GRIK2: variants seen among roughly 807,000 people sequenced by gnomAD.
GRIK2 encodes the protein glutamate ionotropic receptor kainate type subunit 2.
A neutral mutation model predicts 100.3 loss-of-function variants in GRIK2; 32 were observed. The observed-to-expected ratio is 0.32, with a 90% CI of 0.24 to 0.43. The LOEUF (loss-of-function observed/expected upper bound fraction) is 0.43, where lower values mean the gene tolerates loss of function less well. Among genes scored for constraint, GRIK2 ranks in the 20% least tolerant of loss-of-function variants. The probability of loss-of-function intolerance (pLI) is 1.00; values close to 1 mark genes in which losing one functional copy is unlikely to be tolerated. For missense variants in GRIK2, 843 were observed against 1,114.9 expected, an observed-to-expected ratio of 0.76 and a Z score of 3.47; for synonymous variants, 417 against 389.4, an observed-to-expected ratio of 1.07 and a Z score of -0.83.
At chr6:102,016,574 T>A (rs13215171) in intron 14 of GRIK2, among the ~76,000 whole-genome samples, 40,839 of 149,194 alleles carry the variant, frequency 0.27, 5,909 homozygotes, top group East Asian at 0.34. Flanking sequence ...AAAAAAAATT[T>A]AAAAAAAAAT....
intron 14 of GRIK2, among the ~76,000 whole-genome samples, chr6:101,943,449 C>T (rs1791079315): frequency 6.6e-6 from 1 of 152,116 alleles, no homozygotes; most frequent in South Asian, 2.1e-4. Flanking sequence ...ATAGCAGATC[C>T]ACCAACAGTT....
intron 7 of GRIK2, among the ~76,000 whole-genome samples, chr6:101,752,816 C>G (rs1335935624): frequency 6.6e-6 from 1 of 152,044 alleles, no homozygotes; most frequent in Non-Finnish European, 1.5e-5. Flanking sequence ...AAATTCAAAG[C>G]TTTGTACAAA....
rs1276377970 is a variant in GRIK2 at position 101,971,542 on chromosome 6, AT to A, written c.2085+42917del. 2.6e-5 allele frequency among the ~76,000 whole-genome samples: 4 copies of A among 151,936 alleles called. No homozygotes were observed. In the East Asian group the frequency reaches 7.8e-4, roughly 30 times the overall value. On this transcript the variant is annotated intron_variant, in intron 14 of 16. Transcript: ENST00000369134. ...TGTGTCACATCCTTCAAAAATTCTT[AT>A]TTTTTTCTTTTATTTTTATAATTGC...
chr6:101,732,748 C>G (rs1184709321), intron 7 of GRIK2, among the ~76,000 whole-genome samples: 1 of 152,056 alleles, frequency 6.6e-6, no homozygotes, highest in Admixed American at 6.6e-5. Flanking sequence ...CTTTCCTGCT[C>G]AAAACCTTGC....
rs144926714 is a variant in GRIK2 at position 101,926,804 on chromosome 6, A to G, written c.1868-1611A>G. On this transcript the variant is annotated intron_variant, in intron 13 of 16. Coordinates refer to ENST00000369134, the MANE Select transcript of GRIK2 (RefSeq NM_021956.5). ...AGCCCCTAACCAGGCTCTGATTCACAAGACTAGGAGGTACTCGCTTTAAGT... is the reference window on the plus strand; with the variant it reads ...AGCCCCTAACCAGGCTCTGATTCACGAGACTAGGAGGTACTCGCTTTAAGT... Among the ~76,000 whole-genome samples the G allele has an allele frequency of 1.1e-3, 160 of 152,290 alleles. No individual in the cohort carries two copies. The East Asian group carries it at 0.024, about 22-fold the overall frequency.
chr6:102,055,246 C>T, intron 15 of GRIK2, 84 bp from the exon 16 acceptor site: 2 of 1,018,812 alleles, frequency 2.0e-6, no homozygotes, highest in South Asian at 3.4e-5. Flanking sequence ...TTTGAAAAAT[C>T]TCTGCCCTCC....
chr6:101,956,792 C>A, intron 14 of GRIK2, among the ~76,000 whole-genome samples: 1 of 89,028 alleles, frequency 1.1e-5, no homozygotes, highest in Admixed American at 1.1e-4. Context: ...ATAAAATTTT[C>A]TTATATATAT....
At chr6:101,594,377 T>G (rs1210719247) in intron 2 of GRIK2, among the ~76,000 whole-genome samples, 1 of 151,584 alleles carries the variant, frequency 6.6e-6, no homozygotes, top group East Asian at 1.9e-4. Flanking sequence ...AAAAAAGACA[T>G]TTTCATATCC....
chr6:101,616,116 C>T (rs1262832196), intron 2 of GRIK2, among the ~76,000 whole-genome samples: 1 of 151,726 alleles, frequency 6.6e-6, no homozygotes, highest in Non-Finnish European at 1.5e-5. Context: ...AATGCCTTCT[C>T]TTTTCTACCT....
intron 15 of GRIK2, 63 bp from the exon 16 acceptor site, chr6:102,055,267 C>A: frequency 1.5e-6 from 2 of 1,320,226 alleles, no homozygotes; most frequent in Non-Finnish European, 1.1e-6. Flanking sequence ...TCTCATCTTG[C>A]TAACCTTTAA....
At chr6:101,784,016 A>G (rs1779268009) in intron 7 of GRIK2, among the ~76,000 whole-genome samples, 1 of 152,252 alleles carries the variant, frequency 6.6e-6, no homozygotes, top group Admixed American at 6.5e-5. Flanking sequence ...CAACTTGACC[A>G]TGTGGTAGAA....
intron 4 of GRIK2, among the ~76,000 whole-genome samples, chr6:101,644,491 C>T (rs768654474): frequency 5.9e-5 from 9 of 151,528 alleles, no homozygotes; most frequent in Admixed American, 1.3e-4. Context: ...GAGCATATAA[C>T]CATATAAGAC....
At position 101,810,988 on chromosome 6, in the gene GRIK2, C is replaced by T. The variant is rs116700945; in HGVS notation, c.1204-7382C>T. On this transcript the variant is annotated intron_variant, in intron 9 of 16. Coordinates refer to ENST00000369134, the MANE Select transcript of GRIK2 (RefSeq NM_021956.5). ...TCAATTGCAGGAAACATCTTTCATA[C>T]GTAAATCAGCATTTAATATAAATCT... Among the ~76,000 whole-genome samples, 574 of 152,152 alleles carry T rather than the reference C, an allele frequency of 3.8e-3. 4 individuals are homozygous for T. The highest frequency in any genetic ancestry group is 0.013 in the African/African-American group (544 of 41,546).
chr6:101,792,398 G>A (rs1287841542), intron 7 of GRIK2, among the ~76,000 whole-genome samples: 1 of 152,026 alleles, frequency 6.6e-6, no homozygotes, highest in Non-Finnish European at 1.5e-5. Flanking sequence ...TTTAGAGCAG[G>A]CCTGGTGGTG....
intron 2 of GRIK2, among the ~76,000 whole-genome samples, chr6:101,458,103 G>GT (rs1180049154): frequency 1.4e-5 from 2 of 142,772 alleles, no homozygotes; most frequent in Non-Finnish European, 3.2e-5. Flanking sequence ...TTTGTGTTCT[G>GT]TAAGTAGTAG....
intron 14 of GRIK2, among the ~76,000 whole-genome samples, chr6:101,959,194 G>C (rs958362421): frequency 7.9e-5 from 12 of 151,914 alleles, no homozygotes; most frequent in Admixed American, 2.0e-4. Context: ...CAATCATATG[G>C]CTTCACATGT....
intron 2 of GRIK2, among the ~76,000 whole-genome samples, chr6:101,400,083 C>T (rs1775208197): frequency 6.6e-6 from 1 of 152,062 alleles, no homozygotes; most frequent in Non-Finnish European, 1.5e-5. Context: ...TTGCTGAGTC[C>T]CCCTCTCACA....
intron 4 of GRIK2, among the ~76,000 whole-genome samples, chr6:101,630,544 A>G (rs1342570795): frequency 2.0e-5 from 3 of 152,020 alleles, no homozygotes; most frequent in African/African-American, 7.2e-5. Flanking sequence ...TCCTTTGCTT[A>G]CTTTTTTAAT....
Position 101,858,373 on chromosome 6 carries a change from TCTA to T in GRIK2, c.1318-913_1318-911del, listed in dbSNP as rs1318505301. Among the ~76,000 whole-genome samples, 88 of 124,816 alleles carry T rather than the reference TCTA, an allele frequency of 7.1e-4. 1 individual carries two copies. The highest frequency in any genetic ancestry group is 1.7e-3 in the South Asian group (6 of 3,474). 81.9% of individuals were successfully genotyped at this position (124,816 alleles called of 152,430 possible). ...AGATCACTTTCTTCCTCTCTCTCTC[TCTA>T]TTTTTTTTTCTTTTTTTTTTTTTTT... On this transcript the variant is annotated intron_variant, in intron 10 of 16. Transcript: ENST00000369134.
Sources: gnomAD v4.1 joint callset for allele counts (sites outside exome capture counted in the v4.1 genomes callset) on GRCh38, gnomAD v4.1.1 for gene constraint, MANE v1.5 for transcripts, NCBI Gene and HGNC (gene_info 2026-07-23, HGNC 2026-07-21) for gene names.